Variants in EXTL3 observed in about 807,000 individuals in gnomAD.
EXTL3 encodes the protein exostosin like glycosyltransferase 3, also known as exostosin-like 3.
EXTL3 carries 27 observed loss-of-function variants against 69.3 expected under a neutral mutation model. The observed-to-expected ratio is 0.39, with a 90% CI of 0.29 to 0.54. EXTL3 has a LOEUF of 0.54. Among genes scored for constraint, EXTL3 ranks in the 20% least tolerant of loss-of-function variants. The pLI is 0.69. For synonymous variants in EXTL3, 511 were observed against 499.4 expected (o/e 1.02, Z -0.31); for missense variants, 1,003 against 1,231.8 (o/e 0.81, Z 2.78).
At chr8:28,693,510 T>A (rs540281828) in intron 1 of EXTL3, among the ~76,000 whole-genome samples, 1 of 152,344 alleles carries the variant, frequency 6.6e-6, no homozygotes, top group African/African-American at 2.4e-5. Flanking sequence ...TGTTTATTTT[T>A]TTTTTTATAG....
intron 1 of EXTL3, among the ~76,000 whole-genome samples, chr8:28,661,999 T>C (rs1807124301): frequency 6.6e-6 from 1 of 151,022 alleles, no homozygotes; most frequent in South Asian, 2.1e-4. Context: ...CAATATAAAA[T>C]ATATACTTAT....
In EXTL3 at chr8:28,717,782, C is replaced by T; in HGVS notation, c.1723C>T (p.Leu575=). 1 of 1,613,766 alleles carries T rather than the reference C, an allele frequency of 6.2e-7. No homozygotes were observed. Among genetic ancestry groups the T allele is most frequent in the Non-Finnish European group, 8.5e-7 (1 of 1,179,694 alleles). ...CATGGCTGACAACGGGGACCTGGAC[C>T]TGGGGCCAGTGGAGACGGAGCCGCC... ...PNMADNGDLD[L]GPVETEPPYA... is the part of the protein sequence containing the mutation. Residue 575 remains leucine (L), a synonymous_variant, in exon 3 of 7, where the codon CTG becomes TTG. Coordinates refer to ENST00000220562, the MANE Select transcript of EXTL3 (RefSeq NM_001440.4). The surrounding 1 kb of genome is among the most constrained non-coding windows in gnomAD (Gnocchi z 8.3).
intron 1 of EXTL3, among the ~76,000 whole-genome samples, chr8:28,652,055 G>T (rs1806932198): frequency 6.6e-6 from 1 of 152,048 alleles, no homozygotes; most frequent in Admixed American, 6.6e-5. Flanking sequence ...GTGTGTGTGT[G>T]TGTGTATGTA....
At chr8:28,707,935 G>A (rs1800956262) in intron 1 of EXTL3, among the ~76,000 whole-genome samples, 1 of 152,202 alleles carries the variant, frequency 6.6e-6, no homozygotes, top group Admixed American at 6.5e-5. Context: ...TTGTTGCCAA[G>A]TAAACAGATA....
chr8:28,694,887 C>G (rs1322346882), intron 1 of EXTL3, among the ~76,000 whole-genome samples: 1 of 152,062 alleles, frequency 6.6e-6, no homozygotes, highest in Non-Finnish European at 1.5e-5. Flanking sequence ...GTGGCACATG[C>G]CTGTAATCCA....
intron 4 of EXTL3, among the ~76,000 whole-genome samples, chr8:28,734,820 T>C (rs1188119706): frequency 6.6e-6 from 1 of 152,270 alleles, no homozygotes; most frequent in Non-Finnish European, 1.5e-5. Context: ...TTCTGTTCAC[T>C]GAAGGCCTAA....
chr8:28,748,442 C>T (rs1801934957), intron 6 of EXTL3, among the ~76,000 whole-genome samples: 1 of 151,534 alleles, frequency 6.6e-6, no homozygotes, highest in African/African-American at 2.4e-5. Flanking sequence ...AAAACCTGAT[C>T]ACTATAAGTA....
intron 1 of EXTL3, among the ~76,000 whole-genome samples, chr8:28,668,324 CTTTTTTTTTTT>C (rs71549687): frequency 2.4e-5 from 2 of 82,554 alleles, no homozygotes; most frequent in East Asian, 3.9e-4. Context: ...AGAGTTGTTA[CTTTTTTTTTTT>C]TTTTTTTTTT....
chr8:28,633,861 C>T (rs1439058909), intron 1 of EXTL3, among the ~76,000 whole-genome samples: 1 of 152,120 alleles, frequency 6.6e-6, no homozygotes, highest in African/African-American at 2.4e-5. Flanking sequence ...TGACAGAAAA[C>T]GTTCGCTGAT....
intron 1 of EXTL3, among the ~76,000 whole-genome samples, chr8:28,657,496 T>TA (rs1044568471): frequency 8.5e-5 from 13 of 152,232 alleles, no homozygotes; most frequent in Non-Finnish European, 1.5e-5. Flanking sequence ...ACATTTTTTT[T>TA]ATTGTAATAT....
chr8:28,634,097 C>T (rs1177187111), intron 1 of EXTL3, among the ~76,000 whole-genome samples: 1 of 152,240 alleles, frequency 6.6e-6, no homozygotes, highest in Non-Finnish European at 1.5e-5. Flanking sequence ...CCAAGCCCAT[C>T]TGGGGCCAGA....
chr8:28,697,826 C>CAAAAAAA (rs1178237904), upstream of EXTL3: 1 of 72,408 alleles, frequency 1.4e-5, no homozygotes, highest in African/African-American at 5.6e-5. Flanking sequence ...ACTCTGTCTC[C>CAAAAAAA]AAAAAAAAAG....
intron 2 of EXTL3, among the ~76,000 whole-genome samples, chr8:28,715,126 T>C (rs936513283): frequency 5.3e-5 from 8 of 152,252 alleles, no homozygotes; most frequent in Non-Finnish European, 1.2e-4. Flanking sequence ...AATTGAGCTT[T>C]TCAGAGTCTT....
intron 1 of EXTL3, among the ~76,000 whole-genome samples, chr8:28,640,126 C>G (rs761973163): frequency 6.6e-5 from 10 of 152,030 alleles, no homozygotes; most frequent in Non-Finnish European, 1.3e-4. Context: ...AAAATCCATA[C>G]CCCTCTGCAG....
chr8:28,635,915 TTGC>T (rs1482998678), intron 1 of EXTL3, among the ~76,000 whole-genome samples: 2 of 152,164 alleles, frequency 1.3e-5, no homozygotes, highest in African/African-American at 4.8e-5. Flanking sequence ...GAGATGGGGT[TTGC>T]CATGTTGGCC....
At chr8:28,625,624 G>T (rs1380988944) in intron 1 of EXTL3, among the ~76,000 whole-genome samples, 1 of 152,068 alleles carries the variant, frequency 6.6e-6, no homozygotes, top group African/African-American at 2.4e-5. Context: ...AAACACCCTA[G>T]CACAGTTTTA....
At chr8:28,670,037 C>T (rs240915) in intron 1 of EXTL3, among the ~76,000 whole-genome samples, 15,762 of 151,740 alleles carry the variant, frequency 0.1, 1,002 homozygotes, top group Admixed American at 0.16. Flanking sequence ...GGCAAAACCC[C>T]GTCTCGACCA....
chr8:28,628,736 C>T (rs1806530732), intron 1 of EXTL3, among the ~76,000 whole-genome samples: 1 of 152,140 alleles, frequency 6.6e-6, no homozygotes, highest in Non-Finnish European at 1.5e-5. Flanking sequence ...TCACTGTAAC[C>T]TCTGCCTCCC....
At chr8:28,709,305 C>G (rs1033119298) in intron 1 of EXTL3, among the ~76,000 whole-genome samples, 1 of 150,188 alleles carries the variant, frequency 6.7e-6, no homozygotes, top group African/African-American at 2.5e-5. Flanking sequence ...ACCCGGCATA[C>G]AGTAAGCATT....
Sources: gnomAD v4.1 joint callset for allele counts (sites outside exome capture counted in the v4.1 genomes callset) on GRCh38, gnomAD v4.1.1 for gene constraint, Gnocchi (gnomAD v3.1) non-coding constraint, MANE v1.5 for transcripts, NCBI Gene and HGNC (gene_info 2026-07-23, HGNC 2026-07-21) for gene names.